The following PTPN14 variants were observed in gnomAD, a reference collection of about 807,000 sequenced individuals.
PTPN14 encodes the protein protein tyrosine phosphatase non-receptor type 14.
PTPN14 carries 53 observed loss-of-function variants against 126.8 expected under a neutral mutation model. The observed-to-expected ratio is 0.42, with a 90% CI of 0.34 to 0.53. The LOEUF is 0.53. PTPN14 is among the 20% of genes least tolerant of loss of function. The pLI, the probability that PTPN14 is intolerant of heterozygous loss-of-function variation, is 0.08. For missense variants in PTPN14, 1,257 were observed against 1,552.9 expected, an observed-to-expected ratio of 0.81 and a Z score of 3.20; for synonymous variants, 630 against 599.3, an observed-to-expected ratio of 1.05 and a Z score of -0.75.
At chr1:214,423,872 T>C (rs1172445712) in intron 3 of PTPN14, among the ~76,000 whole-genome samples, 2 of 151,990 alleles carry the variant, frequency 1.3e-5, no homozygotes, top group African/African-American at 4.8e-5. Context: ...TTCCAGCTAC[T>C]AGGGAGGCTA....
At chr1:214,498,470 A>G (rs894530451) in intron 1 of PTPN14, among the ~76,000 whole-genome samples, 2 of 151,838 alleles carry the variant, frequency 1.3e-5, no homozygotes, top group Non-Finnish European at 2.9e-5. Context: ...AGATTACCTT[A>G]TTATCCATAT....
At chr1:214,461,313 A>ATATAGTT (rs1434769451) in intron 2 of PTPN14, among the ~76,000 whole-genome samples, 3 of 152,118 alleles carry the variant, frequency 2.0e-5, no homozygotes, top group Admixed American at 6.5e-5. Context: ...ATCCACCATA[A>ATATAGTT]TCTAGTTTCC....
intron 1 of PTPN14, among the ~76,000 whole-genome samples, chr1:214,545,352 TG>T (rs1219265771): frequency 6.6e-6 from 1 of 151,878 alleles, no homozygotes; most frequent in Non-Finnish European, 1.5e-5. Context: ...GGTGCAAAGG[TG>T]GAAGGTAGAG....
intron 1 of PTPN14, among the ~76,000 whole-genome samples, chr1:214,489,562 C>T (rs1180293675): frequency 6.6e-6 from 1 of 152,156 alleles, no homozygotes; most frequent in East Asian, 1.9e-4. Flanking sequence ...TAAATTGCCC[C>T]TCTCTAAGGT....
intron 1 of PTPN14, among the ~76,000 whole-genome samples, chr1:214,547,894 T>C (rs2102490945): frequency 6.6e-6 from 1 of 151,228 alleles, no homozygotes; most frequent in South Asian, 2.1e-4. Context: ...ACATGTTTAT[T>C]TTGAGCCAAT....
chr1:214,386,282 G>C (rs2102542106), intron 12 of PTPN14, among the ~76,000 whole-genome samples: 1 of 152,260 alleles, frequency 6.6e-6, no homozygotes, highest in Admixed American at 6.5e-5. Flanking sequence ...GTCATTACTA[G>C]CAGAAGAAGC....
chr1:214,486,134 A>G (rs967310667), intron 1 of PTPN14, among the ~76,000 whole-genome samples: 5 of 152,114 alleles, frequency 3.3e-5, no homozygotes, highest in African/African-American at 1.2e-4. Context: ...AGGGGTGTTA[A>G]TAAGTTATCA....
chr1:214,392,145 C>T (rs913444878), intron 10 of PTPN14, among the ~76,000 whole-genome samples: 3 of 151,916 alleles, frequency 2.0e-5, no homozygotes, highest in African/African-American at 7.3e-5. Context: ...GCCATAACAT[C>T]GTGCTGGGAC....
chr1:214,489,815 T>C (rs1178188135), intron 1 of PTPN14, among the ~76,000 whole-genome samples: 1 of 152,206 alleles, frequency 6.6e-6, no homozygotes, highest in East Asian at 1.9e-4. Context: ...GGATGGTCTC[T>C]CTGGAGCTAG....
intron 3 of PTPN14, among the ~76,000 whole-genome samples, chr1:214,448,159 A>C (rs775348626): frequency 1.5e-4 from 23 of 152,292 alleles, no homozygotes; most frequent in Admixed American, 3.9e-4. Flanking sequence ...TAAAATTGTA[A>C]AGAGTTTTAG....
At chr1:214,542,112 CAT>C (rs1358751578) in intron 1 of PTPN14, among the ~76,000 whole-genome samples, 2 of 151,964 alleles carry the variant, frequency 1.3e-5, no homozygotes, top group African/African-American at 4.8e-5. Flanking sequence ...CACACACACA[CAT>C]ATATATGTAT....
At chr1:214,489,419 C>T (rs975352227) in intron 1 of PTPN14, among the ~76,000 whole-genome samples, 2 of 152,152 alleles carry the variant, frequency 1.3e-5, no homozygotes, top group Non-Finnish European at 2.9e-5. Flanking sequence ...ACCATGGAAC[C>T]ACCATACCGT....
intron 1 of PTPN14, among the ~76,000 whole-genome samples, chr1:214,545,653 A>C (rs979818251): frequency 1.3e-5 from 2 of 152,148 alleles, no homozygotes; most frequent in Non-Finnish European, 2.9e-5. Context: ...GAAGGGACCT[A>C]ATGACTGATG....
chr1:214,469,798 T>G (rs1660713361), intron 1 of PTPN14, among the ~76,000 whole-genome samples: 2 of 110,624 alleles, frequency 1.8e-5, no homozygotes, highest in African/African-American at 3.7e-5. Context: ...AGTAGGGGGA[T>G]GGTGATAGTG....
In PTPN14 at chr1:214,356,303, T is replaced by C. The variant is rs1162185367; in HGVS notation, c.*1619A>G. On this transcript the variant is annotated 3_prime_UTR_variant, in exon 19 of 19. Transcript: ENST00000366956. ...CACGTTTGTTCTTTGAACTGACCAC[T>C]GTGGGCATTCCATGCCTTCCTCCAC... 6.6e-6 allele frequency: 1 copy of C among 152,214 alleles called. No homozygotes were observed. The highest frequency in any genetic ancestry group is 1.5e-5 in the Non-Finnish European group (1 of 68,060). 9.4% of individuals were successfully genotyped at this position (152,214 alleles called of 1,614,324 possible).
intron 1 of PTPN14, among the ~76,000 whole-genome samples, chr1:214,496,182 C>G (rs1654495856): frequency 6.6e-6 from 1 of 152,120 alleles, no homozygotes; most frequent in Non-Finnish European, 1.5e-5. Flanking sequence ...AATACTTTTG[C>G]TCTGCAGTAT....
At chr1:214,447,346 G>C (rs1027238721) in intron 3 of PTPN14, among the ~76,000 whole-genome samples, 2 of 152,122 alleles carry the variant, frequency 1.3e-5, no homozygotes, top group Admixed American at 6.5e-5. Context: ...TTTTCACCTT[G>C]TGTTGAGCAC....
At chr1:214,402,306 T>G (rs1187316663) in intron 6 of PTPN14, among the ~76,000 whole-genome samples, 1 of 151,286 alleles carries the variant, frequency 6.6e-6, no homozygotes, top group African/African-American at 2.4e-5. Context: ...GGTGTGGTGG[T>G]GCATGTGCCT....
chr1:214,412,157 C>G (rs994668609), intron 4 of PTPN14, among the ~76,000 whole-genome samples: 2 of 152,192 alleles, frequency 1.3e-5, no homozygotes, highest in African/African-American at 4.8e-5. Context: ...ATATATGCAG[C>G]TGGAAATTCC....
Sources: allele counts gnomAD v4.1 joint callset (sites outside exome capture counted in the v4.1 genomes callset), GRCh38; gene constraint gnomAD v4.1.1; transcripts MANE v1.5; gene names NCBI Gene and HGNC (gene_info 2026-07-23, HGNC 2026-07-21).